The following IFT80 variants were observed in gnomAD, a reference collection of about 807,000 sequenced individuals.
IFT80 encodes intraflagellar transport protein 80 homolog.
Under a neutral mutation model 107.9 loss-of-function variants are expected in IFT80, and 79 were observed. The ratio of observed to expected loss-of-function variants is 0.73; its 90% CI spans 0.61 to 0.88. The LOEUF (loss-of-function observed/expected upper bound fraction) is 0.88. Ranked by LOEUF, IFT80 falls within the 40% of genes least tolerant of loss-of-function variation. IFT80 has a pLI of 0.00. For missense variants in IFT80, 797 were observed against 914.2 expected (o/e 0.87, Z 1.65); for synonymous variants, 299 against 300.9 (o/e 0.99, Z 0.07).
At chr3:160,379,706 T>C (rs983286759) in intron 3 of IFT80, among the ~76,000 whole-genome samples, 5 of 152,166 alleles carry the variant, frequency 3.3e-5, no homozygotes, top group African/African-American at 1.2e-4. Context: ...AAATGCAAAA[T>C]TATATCAAAA....
chr3:160,290,321 T>C (rs1170254457), intron 12 of IFT80, among the ~76,000 whole-genome samples: 1 of 148,962 alleles, frequency 6.7e-6, no homozygotes, highest in Non-Finnish European at 1.5e-5. Context: ...AGCAGGAGAA[T>C]CACTTGAACC....
intron 1 of IFT80, among the ~76,000 whole-genome samples, chr3:160,386,182 C>G (rs1237621869): frequency 1.3e-5 from 2 of 152,220 alleles, no homozygotes; most frequent in African/African-American, 4.8e-5. Context: ...CAATGGCATT[C>G]TAACACTGGG....
At chr3:160,338,819 C>CTTCT (rs1208861178) in intron 8 of IFT80, among the ~76,000 whole-genome samples, 2 of 152,156 alleles carry the variant, frequency 1.3e-5, no homozygotes, top group Non-Finnish European at 2.9e-5. Flanking sequence ...CTAAATGCTG[C>CTTCT]TTCTTTCTTT....
intron 7 of IFT80, among the ~76,000 whole-genome samples, chr3:160,356,621 A>G (rs2108361032): frequency 6.6e-6 from 1 of 152,294 alleles, no homozygotes; most frequent in Non-Finnish European, 1.5e-5. Context: ...CCTGGGCTCA[A>G]GAGATCTTCC....
At chr3:160,335,144 CCT>C (rs1719368841) in intron 8 of IFT80, among the ~76,000 whole-genome samples, 1 of 151,512 alleles carries the variant, frequency 6.6e-6, no homozygotes, top group African/African-American at 2.4e-5. Flanking sequence ...CCAAAAAAAT[CCT>C]CTTTTTTTTT....
intron 6 of IFT80, 50 bp from the exon 7 acceptor site, chr3:160,357,628 GTTTT>G (rs755548110): frequency 2.0e-5 from 24 of 1,191,482 alleles, no homozygotes; most frequent in Non-Finnish European, 5.0e-6. Flanking sequence ...AAGCACTTAA[GTTTT>G]TTTCTGTAAG....
At chr3:160,363,318 G>T (rs1265522288) in intron 6 of IFT80, among the ~76,000 whole-genome samples, 1 of 152,068 alleles carries the variant, frequency 6.6e-6, no homozygotes, top group Non-Finnish European at 1.5e-5. Flanking sequence ...GGATGTGAGG[G>T]ACCTCTTAAA....
intron 6 of IFT80, among the ~76,000 whole-genome samples, chr3:160,363,141 C>T (rs1414089610): frequency 6.6e-6 from 1 of 152,184 alleles, no homozygotes; most frequent in Non-Finnish European, 1.5e-5. Context: ...CCCAAAATCT[C>T]CTTAAGCTGA....
intron 3 of IFT80, 32 bp downstream of exon 3, chr3:160,381,471 T>C: frequency 1.2e-5 from 17 of 1,472,904 alleles, no homozygotes; most frequent in Non-Finnish European, 1.6e-5. Context: ...TTAAATACAA[T>C]GGCGAGCATA....
At chr3:160,318,638 C>T (rs1559936944) in intron 9 of IFT80, among the ~76,000 whole-genome samples, 1 of 152,006 alleles carries the variant, frequency 6.6e-6, no homozygotes. Context: ...AACATTTCTC[C>T]CCACTTCCCA....
chr3:160,389,105 C>A (rs1036789788), intron 1 of IFT80, among the ~76,000 whole-genome samples: 3 of 152,154 alleles, frequency 2.0e-5, no homozygotes, highest in African/African-American at 7.2e-5. Flanking sequence ...GAAATTAATA[C>A]ATGGGCCTTA....
At chr3:160,393,451 T>C (rs573540669) in intron 1 of IFT80, among the ~76,000 whole-genome samples, 7 of 152,318 alleles carry the variant, frequency 4.6e-5, no homozygotes, top group South Asian at 2.1e-4. Context: ...ATTCCACTTA[T>C]ATAAGGTACC....
intron 4 of IFT80, among the ~76,000 whole-genome samples, chr3:160,376,445 T>C (rs531042694): frequency 1.3e-5 from 2 of 152,298 alleles, no homozygotes; most frequent in Admixed American, 6.5e-5. Flanking sequence ...TGACAAACCA[T>C]TGGAAAACAT....
chr3:160,384,081 C>A (rs897840488), intron 2 of IFT80: 17 of 290,438 alleles, frequency 5.9e-5, no homozygotes, highest in Non-Finnish European at 8.2e-5. Flanking sequence ...CCCGTCTCTA[C>A]TAAAAATACA....
intron 1 of IFT80, among the ~76,000 whole-genome samples, chr3:160,388,776 A>G (rs938811240): frequency 3.9e-5 from 6 of 152,172 alleles, no homozygotes; most frequent in Admixed American, 3.9e-4. Context: ...AAATAAATAT[A>G]CAAGGCCCTT....
rs1039675371 is a variant in IFT80 at position 160,282,608 on chromosome 3, T to C, written c.1386A>G (p.Glu462=). ...GDGKFLSHKN[E]ILEIALDQKG... is the part of the protein sequence containing the mutation. ...TTTGATCCAGAGCAATTTCCAAGAT[T>C]TCATTCTAAAATTTTTTTTAAATGT... The change falls in exon 14 of 20, where the codon GAA becomes GAG. Residue 462 remains glutamate (E), a synonymous_variant. Coordinates refer to ENST00000326448, the MANE Select transcript of IFT80 (RefSeq NM_020800.3). The C allele has an allele frequency of 3.8e-6, 6 of 1,577,610 alleles. No homozygotes were observed. In the African/African-American group the frequency reaches 6.7e-5, roughly 18 times the overall value.
Position 160,288,314 on chromosome 3 carries a change from CAG to C in IFT80, c.1316-2448_1316-2447del, listed in dbSNP as rs576195382. On this transcript the variant is annotated intron_variant, in intron 12 of 19. Transcript: ENST00000326448. ...CACCACTGCACTCCAGCCTGGGTGA[CAG>C]AGCGAGACTCCGTTTCAAAAACAAA... Among the ~76,000 whole-genome samples the C allele has an allele frequency of 3.9e-5, 6 of 152,264 alleles. No homozygotes were observed. In the South Asian group the frequency reaches 1.2e-3, roughly 32 times the overall value.
At chr3:160,322,404 A>G (rs1258854106) in intron 8 of IFT80, among the ~76,000 whole-genome samples, 1 of 151,874 alleles carries the variant, frequency 6.6e-6, no homozygotes, top group Non-Finnish European at 1.5e-5. Context: ...CATGGTGTAT[A>G]TGTGCCACAT....
At chr3:160,320,721 T>C (rs1718146864) in intron 8 of IFT80, among the ~76,000 whole-genome samples, 1 of 151,840 alleles carries the variant, frequency 6.6e-6, no homozygotes, top group Non-Finnish European at 1.5e-5. Context: ...ATAATCACAG[T>C]CTTGATTTTG....
Sources: allele counts gnomAD v4.1 joint callset (sites outside exome capture counted in the v4.1 genomes callset), GRCh38; gene constraint gnomAD v4.1.1; transcripts MANE v1.5; gene names NCBI Gene and HGNC (gene_info 2026-07-23, HGNC 2026-07-21).